The following LRP1B variants were observed in gnomAD, a reference collection of about 807,000 sequenced individuals.
LRP1B encodes LDL receptor related protein 1B.
In LRP1B, 217 loss-of-function variants were observed where a neutral mutation model predicts 556.6. That is an observed-to-expected ratio of 0.39 (90% CI 0.35 to 0.44). LRP1B has a LOEUF of 0.44. Among genes scored for constraint, LRP1B ranks in the 20% least tolerant of loss-of-function variants. The pLI, the probability that LRP1B is intolerant of heterozygous loss-of-function variation, is 1.00. For synonymous variants in LRP1B, 2,047 were observed against 1,865.8 expected, an observed-to-expected ratio of 1.10 and a Z score of -2.50; for missense variants, 5,053 against 5,620.8, an observed-to-expected ratio of 0.90 and a Z score of 3.23.
At chr2:141,576,055 A>G (rs2105271137) in intron 2 of LRP1B, among the ~76,000 whole-genome samples, 1 of 152,340 alleles carries the variant, frequency 6.6e-6, no homozygotes, top group East Asian at 1.9e-4. Context: ...AGGATCCAGA[A>G]CCAGAATTAC....
chr2:141,596,485 A>G (rs1282091893), intron 2 of LRP1B, among the ~76,000 whole-genome samples: 3 of 152,080 alleles, frequency 2.0e-5, no homozygotes, highest in Admixed American at 6.6e-5. Flanking sequence ...TGCGTTAATA[A>G]TAGCCTTCTT....
intron 7 of LRP1B, among the ~76,000 whole-genome samples, chr2:141,121,823 G>A (rs570043420): frequency 3.3e-5 from 5 of 152,212 alleles, no homozygotes; most frequent in South Asian, 4.2e-4. Context: ...AACAAAGCTG[G>A]AGACATCACG....
At chr2:141,547,694 T>TCCTA (rs1244083551) in intron 2 of LRP1B, among the ~76,000 whole-genome samples, 2 of 152,160 alleles carry the variant, frequency 1.3e-5, no homozygotes, top group African/African-American at 4.8e-5. Context: ...TTTTCTCATC[T>TCCTA]CCTACCTCAC....
chr2:141,240,352 T>A (rs1180141945), intron 5 of LRP1B, among the ~76,000 whole-genome samples: 1 of 138,038 alleles, frequency 7.2e-6, no homozygotes, highest in Non-Finnish European at 1.6e-5. Flanking sequence ...CTCTGAAAAA[T>A]CAATTTTTTT....
chr2:140,339,724 G>A (rs12233220), intron 77 of LRP1B, among the ~76,000 whole-genome samples: 21,498 of 151,488 alleles, frequency 0.14, 1,999 homozygotes, highest in East Asian at 0.33. Context: ...TATTGACTTA[G>A]TAATGTTATT....
intron 3 of LRP1B, among the ~76,000 whole-genome samples, chr2:141,376,945 G>A (rs1689460774): frequency 6.6e-6 from 1 of 151,956 alleles, no homozygotes; most frequent in African/African-American, 2.4e-5. Context: ...GAAAAATAAA[G>A]TACCTCAACC....
At chr2:141,662,962 A>T (rs1192047063) in intron 2 of LRP1B, among the ~76,000 whole-genome samples, 1 of 133,058 alleles carries the variant, frequency 7.5e-6, no homozygotes, top group African/African-American at 2.5e-5. Flanking sequence ...AAAAAAATAA[A>T]TAAAAAAAAA....
chr2:141,642,099 C>T (rs1689359949), intron 2 of LRP1B, among the ~76,000 whole-genome samples: 1 of 152,088 alleles, frequency 6.6e-6, no homozygotes, highest in African/African-American at 2.4e-5. Context: ...TTTAACGAAG[C>T]TCATTTTTAA....
intron 1 of LRP1B, among the ~76,000 whole-genome samples, chr2:141,957,122 T>C (rs1309421531): frequency 3.3e-5 from 5 of 151,996 alleles, no homozygotes; most frequent in Admixed American, 2.0e-4. Flanking sequence ...AGCATACATA[T>C]ATTTTTGTCA....
intron 2 of LRP1B, among the ~76,000 whole-genome samples, chr2:141,648,938 T>G (rs1364634931): frequency 1.3e-5 from 2 of 152,242 alleles, no homozygotes; most frequent in Admixed American, 1.3e-4. Context: ...TAGCATTTAA[T>G]TAGTTTCTTC....
intron 3 of LRP1B, among the ~76,000 whole-genome samples, chr2:141,457,946 G>A (rs1418958644): frequency 6.6e-6 from 1 of 152,106 alleles, no homozygotes; most frequent in Non-Finnish European, 1.5e-5. Context: ...ACTGTAGTAT[G>A]GTCAAAGGGA....
At chr2:140,494,677 ATGG>A (rs999879406) in intron 56 of LRP1B, among the ~76,000 whole-genome samples, 1 of 151,818 alleles carries the variant, frequency 6.6e-6, no homozygotes, top group Admixed American at 6.6e-5. Context: ...AAGATAAGTG[ATGG>A]TGGAATGAAA....
intron 62 of LRP1B, among the ~76,000 whole-genome samples, chr2:140,451,616 G>A (rs1320451711): frequency 6.6e-6 from 1 of 152,082 alleles, no homozygotes; most frequent in Non-Finnish European, 1.5e-5. Context: ...GCCATGATGA[G>A]TATGGGCCCC....
intron 2 of LRP1B, among the ~76,000 whole-genome samples, chr2:141,554,812 T>A (rs1196529237): frequency 1.3e-5 from 2 of 151,984 alleles, no homozygotes; most frequent in African/African-American, 2.4e-5. Context: ...CAAATTGTGG[T>A]CCACAGACCT....
intron 3 of LRP1B, among the ~76,000 whole-genome samples, chr2:141,304,825 T>C (rs2105437194): frequency 6.6e-6 from 1 of 152,210 alleles, no homozygotes; most frequent in African/African-American, 2.4e-5. Flanking sequence ...TGAATATGAA[T>C]ACTCAGTTTT....
At chr2:141,047,105 AAAAAC>A (rs1409308190) in intron 11 of LRP1B, among the ~76,000 whole-genome samples, 2 of 151,862 alleles carry the variant, frequency 1.3e-5, no homozygotes, top group African/African-American at 4.8e-5. Context: ...TGTCTGGGTC[AAAAAC>A]AAAACAACGT....
intron 7 of LRP1B, among the ~76,000 whole-genome samples, chr2:141,168,658 T>C (rs1680367827): frequency 6.6e-6 from 1 of 152,060 alleles, no homozygotes; most frequent in East Asian, 1.9e-4. Context: ...TATTTTTATT[T>C]TAATTAAATT....
At chr2:141,429,018 G>T (rs1022598489) in intron 3 of LRP1B, among the ~76,000 whole-genome samples, 1 of 152,018 alleles carries the variant, frequency 6.6e-6, no homozygotes, top group Non-Finnish European at 1.5e-5. Flanking sequence ...CTGATGCACT[G>T]GTGCCATTTA....
rs561971447 is a variant in LRP1B, at chr2:140,561,870, C to A, written c.7195-19899G>T. Among the ~76,000 whole-genome samples the A allele has an allele frequency of 1.7e-3, 263 of 151,906 alleles. 3 individuals carry two copies. Among genetic ancestry groups the A allele is most frequent in the Admixed American group, 3.9e-3 (59 of 15,250 alleles). Reference sequence around the variant, plus strand: ...CAAAATATTAGTAATTCAAATTTAACACTATATAAAAAATAATACATGATT... The same window carrying A: ...CAAAATATTAGTAATTCAAATTTAAAACTATATAAAAAATAATACATGATT... On this transcript the variant is annotated intron_variant, in intron 43 of 90. Coordinates refer to ENST00000389484, the MANE Select transcript of LRP1B (RefSeq NM_018557.3).
Sources: gnomAD v4.1 joint callset for allele counts (sites outside exome capture counted in the v4.1 genomes callset) on GRCh38, gnomAD v4.1.1 for gene constraint, MANE v1.5 for transcripts, NCBI Gene and HGNC (gene_info 2026-07-23, HGNC 2026-07-21) for gene names.